The following FYN variants were observed in gnomAD, a reference collection of about 807,000 sequenced individuals.
The protein encoded by FYN is tyrosine-protein kinase Fyn.
In FYN, 10 loss-of-function variants were observed where a neutral mutation model predicts 70.2. The ratio of observed to expected loss-of-function variants is 0.14; its 90% CI spans 0.09 to 0.24. The LOEUF (loss-of-function observed/expected upper bound fraction) is 0.24. Ranked by LOEUF, FYN falls within the 10% of genes least tolerant of loss-of-function variation. The pLI, the probability that FYN is intolerant of heterozygous loss-of-function variation, is 1.00. For synonymous variants in FYN, 236 were observed against 248.6 expected (o/e 0.95, Z 0.48); for missense variants, 319 against 673.1 (o/e 0.47, Z 5.82).
chr6:111,715,449 C>A (rs1459678602), intron 4 of FYN, among the ~76,000 whole-genome samples: 1 of 152,146 alleles, frequency 6.6e-6, no homozygotes, highest in Non-Finnish European at 1.5e-5. Context: ...GTGCAAGCCC[C>A]TCCCCTTGAG....
In FYN at chr6:111,721,333, G is replaced by A. The variant is rs1479867314; in HGVS notation, c.-11-1271C>T. On this transcript the variant is annotated intron_variant, in intron 3 of 13. Transcript: ENST00000354650. Reference sequence around the variant, plus strand: ...CGGGACCCTGTCTGTTTTCATCACAGCTACATTGCCAGTGCCTGGAACAAT... The same window carrying A: ...CGGGACCCTGTCTGTTTTCATCACAACTACATTGCCAGTGCCTGGAACAAT... Among the ~76,000 whole-genome samples the A allele has an allele frequency of 3.9e-5, 6 of 152,302 alleles. No homozygotes were observed. The East Asian group carries it at 1.2e-3, about 29-fold the overall frequency.
At chr6:111,837,903 C>T (rs1390015706) in intron 2 of FYN, among the ~76,000 whole-genome samples, 1 of 152,188 alleles carries the variant, frequency 6.6e-6, no homozygotes, top group Non-Finnish European at 1.5e-5. Context: ...GCTGTTTTAT[C>T]CCTTCTGTTA....
chr6:111,685,986 T>C (rs1046749949), intron 12 of FYN, among the ~76,000 whole-genome samples: 6 of 152,144 alleles, frequency 3.9e-5, no homozygotes, highest in African/African-American at 9.7e-5. Flanking sequence ...ATGAAAGAAA[T>C]TGGTCCCATC....
chr6:111,732,016 C>T (rs1385907159), intron 3 of FYN, among the ~76,000 whole-genome samples: 1 of 152,150 alleles, frequency 6.6e-6, no homozygotes, highest in South Asian at 2.1e-4. Context: ...GTGATGCTTT[C>T]CCCAGCAGCA....
At chr6:111,740,729 C>T (rs1801923165) in intron 3 of FYN, among the ~76,000 whole-genome samples, 1 of 152,220 alleles carries the variant, frequency 6.6e-6, no homozygotes, top group African/African-American at 2.4e-5. Context: ...TTTGAACACA[C>T]TCTGCTCTGT....
At chr6:111,774,859 T>C (rs1439733263) in intron 3 of FYN, among the ~76,000 whole-genome samples, 1 of 152,146 alleles carries the variant, frequency 6.6e-6, no homozygotes, top group Admixed American at 6.5e-5. Flanking sequence ...GCTGGAATTA[T>C]AGGCGTGTGC....
At chr6:111,734,891 G>A (rs999126508) in intron 3 of FYN, among the ~76,000 whole-genome samples, 11 of 152,244 alleles carry the variant, frequency 7.2e-5, no homozygotes, top group South Asian at 4.1e-4. Flanking sequence ...AAGGGCTGCC[G>A]GTATAAAGTC....
chr6:111,674,729 C>G, intron 12 of FYN, 99 bp from the exon 13 acceptor site: 3 of 1,362,458 alleles, frequency 2.2e-6, no homozygotes, highest in South Asian at 2.7e-5. Context: ...TTCCTGAGAG[C>G]AGGTTTAGAG....
chr6:111,762,030 AG>A lies in FYN; in HGVS notation c.-12+18535del, dbSNP rs375577174. Among the ~76,000 whole-genome samples, 9 of 152,336 alleles carry A rather than the reference AG, an allele frequency of 5.9e-5. No individual in the cohort carries two copies. The East Asian group carries it at 1.7e-3, about 29-fold the overall frequency. On this transcript the variant is annotated intron_variant, in intron 3 of 13. Coordinates refer to ENST00000354650, the MANE Select transcript of FYN (RefSeq NM_002037.5). Reference sequence around the variant, plus strand: ...AAATTGGTTATGCCCTTCCGTGAGAAGGAACAGCTTCAACACGTAGGCTGTG... The same window carrying A: ...AAATTGGTTATGCCCTTCCGTGAGAAGAACAGCTTCAACACGTAGGCTGTG...
Position 111,694,830 on chromosome 6 carries a change from G to A in FYN, c.1043-126C>T. 2.7e-6 allele frequency: 2 copies of A among 751,874 alleles called. No homozygotes were observed. Among genetic ancestry groups the A allele is most frequent in the Non-Finnish European group, 2.1e-6 (1 of 471,878 alleles). The allele number at this position is 751,874 out of a possible 1,614,324, so 46.6% of individuals were successfully genotyped here. On this transcript the variant is annotated intron_variant, in intron 10 of 13. Coordinates refer to ENST00000354650, the MANE Select transcript of FYN (RefSeq NM_002037.5). This position sits in a 1 kb window ranked among gnomAD's most constrained non-coding sequence, Gnocchi z 5.0. ...TGGAATAATGCCATCCACATGGGGGGACAAAAAGGTTTATATAAAAAAGCA... is the reference window on the plus strand; with the variant it reads ...TGGAATAATGCCATCCACATGGGGGAACAAAAAGGTTTATATAAAAAAGCA...
intron 12 of FYN, among the ~76,000 whole-genome samples, chr6:111,686,093 C>T (rs1269707311): frequency 6.6e-6 from 1 of 151,872 alleles, no homozygotes; most frequent in African/African-American, 2.4e-5. Flanking sequence ...TGGCTTTCAA[C>T]ACACCCTTTC....
chr6:111,867,797 G>C (rs1205095974), intron 1 of FYN, among the ~76,000 whole-genome samples: 3 of 152,014 alleles, frequency 2.0e-5, no homozygotes, highest in African/African-American at 7.2e-5. Context: ...TCGGTCAAAG[G>C]CCCATACTGT....
At chr6:111,822,251 TTGGA>T (rs1252061458) in intron 2 of FYN, among the ~76,000 whole-genome samples, 1 of 152,040 alleles carries the variant, frequency 6.6e-6, no homozygotes, top group African/African-American at 2.4e-5. Flanking sequence ...CAATGATAGA[TTGGA>T]TGAAGAAAAT....
chr6:111,742,967 CTTTTTT>C (rs111682950), intron 3 of FYN, among the ~76,000 whole-genome samples: 1 of 139,222 alleles, frequency 7.2e-6, no homozygotes, highest in Non-Finnish European at 1.6e-5. Context: ...TGATAAGAAT[CTTTTTT>C]TTTTTTTTTT....
At chr6:111,808,875 C>T (rs1448549604) in intron 2 of FYN, among the ~76,000 whole-genome samples, 3 of 152,212 alleles carry the variant, frequency 2.0e-5, no homozygotes, top group Non-Finnish European at 2.9e-5. Flanking sequence ...AATAAATTCA[C>T]AAATGTTCTT....
chr6:111,759,556 C>A (rs1397313495), intron 3 of FYN, among the ~76,000 whole-genome samples: 1 of 152,202 alleles, frequency 6.6e-6, no homozygotes, highest in African/African-American at 2.4e-5. Flanking sequence ...CCCAGGCACT[C>A]GGTGCCCATT....
chr6:111,689,462 A>G (rs1263644527), intron 12 of FYN, among the ~76,000 whole-genome samples: 1 of 152,258 alleles, frequency 6.6e-6, no homozygotes, highest in Admixed American at 6.5e-5. Context: ...TGGAGAACAC[A>G]GCCCAGAGAG....
At chr6:111,704,169 T>A in intron 6 of FYN, 67 bp from the exon 7 acceptor site, 1 of 1,217,930 alleles carries the variant, frequency 8.2e-7, no homozygotes, top group Non-Finnish European at 1.2e-6. Context: ...CAGCATAGGC[T>A]TTTTTTTTGC....
chr6:111,716,140 C>T (rs1800632863), intron 4 of FYN, among the ~76,000 whole-genome samples: 2 of 152,242 alleles, frequency 1.3e-5, no homozygotes, highest in Admixed American at 1.3e-4. Context: ...GATCAGTTAT[C>T]TACCTCAGAG....
Sources: gnomAD v4.1 joint callset for allele counts (sites outside exome capture counted in the v4.1 genomes callset) on GRCh38, gnomAD v4.1.1 for gene constraint, Gnocchi (gnomAD v3.1) non-coding constraint, MANE v1.5 for transcripts, NCBI Gene and HGNC (gene_info 2026-07-23, HGNC 2026-07-21) for gene names.